The following GPC6 variants were observed in gnomAD, a reference collection of about 807,000 sequenced individuals.
GPC6 encodes the protein glypican-6.
In GPC6, 14 loss-of-function variants were observed where a neutral mutation model predicts 55.2. That is an observed-to-expected ratio of 0.25 (90% confidence interval 0.17 to 0.40). The LOEUF (loss-of-function observed/expected upper bound fraction) is 0.40. Ranked by LOEUF, GPC6 falls within the 10% of genes least tolerant of loss-of-function variation. The probability of loss-of-function intolerance (pLI) is 1.00; values close to 1 mark genes in which losing one functional copy is unlikely to be tolerated. For synonymous variants in GPC6, 278 were observed against 259.6 expected (o/e 1.07, Z -0.68); for missense variants, 641 against 708.5 (o/e 0.90, Z 1.08).
intron 4 of GPC6, among the ~76,000 whole-genome samples, chr13:94,259,393 G>A (rs148708031): frequency 1.3e-5 from 2 of 152,342 alleles, no homozygotes; most frequent in African/African-American, 4.8e-5. Flanking sequence ...AATGATTATT[G>A]AGTGGGCTGG....
chr13:93,681,083 G>C (rs1445789937), intron 2 of GPC6, among the ~76,000 whole-genome samples: 1 of 152,058 alleles, frequency 6.6e-6, no homozygotes, highest in Non-Finnish European at 1.5e-5. Flanking sequence ...ATTATTCTTT[G>C]GTAACTTTGC....
intron 4 of GPC6, among the ~76,000 whole-genome samples, chr13:94,177,829 C>G (rs1451472708): frequency 6.6e-6 from 1 of 151,806 alleles, no homozygotes; most frequent in Non-Finnish European, 1.5e-5. Context: ...AATAATAAAC[C>G]ACATGACCAA....
At chr13:93,807,449 C>T (rs1056476182) in intron 2 of GPC6, among the ~76,000 whole-genome samples, 7 of 152,136 alleles carry the variant, frequency 4.6e-5, no homozygotes, top group Admixed American at 2.0e-4. Context: ...TTGAAAGTAC[C>T]ACATACAGAG....
intron 2 of GPC6, among the ~76,000 whole-genome samples, chr13:93,754,053 T>G (rs1242189520): frequency 6.6e-6 from 1 of 152,190 alleles, no homozygotes; most frequent in Non-Finnish European, 1.5e-5. Context: ...GCAGGCGGCT[T>G]GGCAACCAGG....
At chr13:94,189,953 G>A (rs953252044) in intron 4 of GPC6, among the ~76,000 whole-genome samples, 22 of 151,300 alleles carry the variant, frequency 1.5e-4, no homozygotes, top group Non-Finnish European at 2.9e-4. Context: ...ACTGGGAGGC[G>A]GAGCTTGCAG....
intron 3 of GPC6, among the ~76,000 whole-genome samples, chr13:93,891,272 T>C (rs1875664655): frequency 6.6e-6 from 1 of 152,160 alleles, no homozygotes; most frequent in Admixed American, 6.6e-5. Context: ...TTAGTAGTGT[T>C]TTATGCTGTG....
chr13:94,110,630 G>A (rs1886213304), intron 4 of GPC6, among the ~76,000 whole-genome samples: 1 of 152,072 alleles, frequency 6.6e-6, no homozygotes, highest in Non-Finnish European at 1.5e-5. Flanking sequence ...CAAATGTAAG[G>A]CAGGGAAGGC....
chr13:94,153,308 GATC>G (rs1887810362), intron 4 of GPC6, among the ~76,000 whole-genome samples: 1 of 151,936 alleles, frequency 6.6e-6, no homozygotes, highest in South Asian at 2.1e-4. Context: ...GCAAAATAAA[GATC>G]ATCACTGTTA....
intron 6 of GPC6, among the ~76,000 whole-genome samples, chr13:94,330,031 A>G (rs1373940766): frequency 3.9e-5 from 6 of 152,208 alleles, no homozygotes; most frequent in Non-Finnish European, 8.8e-5. Context: ...TTCATGAAGA[A>G]ATAGTGATCC....
At chr13:93,449,183 A>G (rs1878120438) in intron 1 of GPC6, among the ~76,000 whole-genome samples, 1 of 152,226 alleles carries the variant, frequency 6.6e-6, no homozygotes. Context: ...AAAAGTACAG[A>G]TGAGGAAGGT....
chr13:94,031,036 G>A (rs1594680055), intron 4 of GPC6, among the ~76,000 whole-genome samples: 1 of 152,056 alleles, frequency 6.6e-6, no homozygotes, highest in African/African-American at 2.4e-5. Flanking sequence ...ATGCATGCGT[G>A]TGTGCGTTTG....
At chr13:94,121,088 C>CGCTG (rs1886614552) in intron 4 of GPC6, among the ~76,000 whole-genome samples, 1 of 152,066 alleles carries the variant, frequency 6.6e-6, no homozygotes, top group African/African-American at 2.4e-5. Context: ...GGAGAATCAA[C>CGCTG]GCTGGGTACA....
rs1265231105 is a variant in GPC6 at position 93,232,797 on chromosome 13, A to C, written c.160+5181A>C. On this transcript the variant is annotated intron_variant, in intron 1 of 8. Coordinates refer to ENST00000377047, the MANE Select transcript of GPC6 (RefSeq NM_005708.5). ...AAATTATTGAGTAGTTCTAACCTAAAATGACCTAACTTCAATCACTAGTTT... is the reference window on the plus strand; with the variant it reads ...AAATTATTGAGTAGTTCTAACCTAACATGACCTAACTTCAATCACTAGTTT... Among the ~76,000 whole-genome samples, 7 of 152,142 alleles carry C rather than the reference A, an allele frequency of 4.6e-5. No individual in the cohort carries two copies. In the East Asian group the frequency reaches 1.3e-3, roughly 29 times the overall value.
intron 2 of GPC6, among the ~76,000 whole-genome samples, chr13:93,652,031 C>T (rs1404139287): frequency 6.6e-6 from 1 of 152,120 alleles, no homozygotes; most frequent in Non-Finnish European, 1.5e-5. Flanking sequence ...CCATAACCAC[C>T]ATTAAAACTG....
chr13:93,261,859 A>G (rs17188802), intron 1 of GPC6, among the ~76,000 whole-genome samples: 24,420 of 151,878 alleles, frequency 0.16, 2,190 homozygotes, highest in Admixed American at 0.22. Context: ...GAATAAACAG[A>G]TAAATAAAGA....
rs191459252 is a variant in GPC6, at chr13:93,851,186, T to C, written c.711+20641T>C. Among the ~76,000 whole-genome samples, 19 of 152,094 alleles carry C rather than the reference T, an allele frequency of 1.2e-4. No individual in the cohort carries two copies. The East Asian group carries it at 3.7e-3, about 29-fold the overall frequency. On this transcript the variant is annotated intron_variant, in intron 3 of 8. Transcript: ENST00000377047. Reference sequence around the variant, plus strand: ...GCTGGATACCTGTATGCCTAATGGATTTCCATGGGCCTCTAGAATTCAACC... The same window carrying C: ...GCTGGATACCTGTATGCCTAATGGACTTCCATGGGCCTCTAGAATTCAACC...
At chr13:93,796,187 C>A (rs1886192465) in intron 2 of GPC6, among the ~76,000 whole-genome samples, 1 of 150,780 alleles carries the variant, frequency 6.6e-6, no homozygotes, top group African/African-American at 2.4e-5. Flanking sequence ...CACAGTGAGA[C>A]CCTGTTGAAA....
chr13:94,343,876 G>A (rs1332499780), intron 6 of GPC6, among the ~76,000 whole-genome samples: 6 of 152,050 alleles, frequency 3.9e-5, no homozygotes, highest in Admixed American at 2.0e-4. Flanking sequence ...GACTACAGAC[G>A]TGTGTCATCA....
At chr13:94,338,019 G>GTGAT (rs1877811473) in intron 6 of GPC6, among the ~76,000 whole-genome samples, 1 of 152,238 alleles carries the variant, frequency 6.6e-6, no homozygotes, top group South Asian at 2.1e-4. Flanking sequence ...TTCTGCCCTA[G>GTGAT]TGATTGCTGC....
Sources: allele counts gnomAD v4.1 joint callset (sites outside exome capture counted in the v4.1 genomes callset), GRCh38; gene constraint gnomAD v4.1.1; transcripts MANE v1.5; gene names NCBI Gene and HGNC (gene_info 2026-07-23, HGNC 2026-07-21).